KCNJ15: variants seen among roughly 807,000 people sequenced by gnomAD.
KCNJ15 encodes ATP-sensitive inward rectifier potassium channel 15.
KCNJ15 carries 14 observed loss-of-function variants against 23.0 expected under a neutral mutation model. That is an observed-to-expected ratio of 0.61 (90% CI 0.40 to 0.95). The LOEUF (loss-of-function observed/expected upper bound fraction) is 0.95, where lower values mean the gene tolerates loss of function less well. Among genes scored for constraint, KCNJ15 ranks in the 40% least tolerant of loss-of-function variants. The probability of loss-of-function intolerance (pLI) is 0.00; values close to 1 mark genes in which losing one functional copy is unlikely to be tolerated. For missense variants in KCNJ15, 388 were observed against 461.8 expected, an observed-to-expected ratio of 0.84 and a Z score of 1.46; for synonymous variants, 185 against 183.2, an observed-to-expected ratio of 1.01 and a Z score of -0.08.
chr21:38,292,415 T>C (rs571498625), intron 1 of KCNJ15, among the ~76,000 whole-genome samples: 3 of 152,224 alleles, frequency 2.0e-5, no homozygotes, highest in African/African-American at 7.2e-5. Flanking sequence ...GGCCACTAGG[T>C]CCTTAAACTT....
rs1284434770 is a variant in KCNJ15 at position 38,276,197 on chromosome 21, C to T, written c.-117+19012C>T. ...TCTCTTATATCAAATGGTATACTTT[C>T]GAGGGCTAAGATCATGCATCTCTCA... On this transcript the variant is annotated intron_variant, in intron 1 of 2. Transcript: ENST00000398938. 3.9e-5 allele frequency among the ~76,000 whole-genome samples: 6 copies of T among 151,920 alleles called. No homozygotes were observed. The South Asian group carries it at 6.2e-4, about 16-fold the overall frequency.
At chr21:38,258,121 A>G (rs574958865) in intron 1 of KCNJ15, among the ~76,000 whole-genome samples, 5 of 151,886 alleles carry the variant, frequency 3.3e-5, no homozygotes, top group African/African-American at 9.6e-5. Context: ...ATTTTTTGCA[A>G]CCTCAAGATC....
chr21:38,252,589 G>A (rs1413929989), upstream of KCNJ15, among the ~76,000 whole-genome samples: 1 of 152,120 alleles, frequency 6.6e-6, no homozygotes, highest in African/African-American at 2.4e-5. Context: ...GGCATTTTGA[G>A]GAAAAGACTA....
At chr21:38,257,769 C>T (rs1568990709) in intron 1 of KCNJ15, among the ~76,000 whole-genome samples, 1 of 152,176 alleles carries the variant, frequency 6.6e-6, no homozygotes. Flanking sequence ...GTTTTTTAAT[C>T]TGTGTATAAT....
intron 1 of KCNJ15, among the ~76,000 whole-genome samples, chr21:38,261,270 T>G (rs2836251): frequency 0.2 from 30,591 of 152,038 alleles, 3,309 homozygotes; most frequent in East Asian, 0.32. Flanking sequence ...ATTGCACAAT[T>G]TGGGGGCTTT....
At chr21:38,290,078 A>C (rs1984427669) in intron 1 of KCNJ15, among the ~76,000 whole-genome samples, 1 of 152,198 alleles carries the variant, frequency 6.6e-6, no homozygotes, top group East Asian at 1.9e-4. Flanking sequence ...GTAATGTTTT[A>C]TTTGGGTTAG....
intron 1 of KCNJ15, among the ~76,000 whole-genome samples, chr21:38,266,035 G>C (rs1376496157): frequency 1.3e-5 from 2 of 152,154 alleles, no homozygotes; most frequent in Non-Finnish European, 2.9e-5. Flanking sequence ...TTACTGCAGG[G>C]AAAGAATGGG....
intron 1 of KCNJ15, among the ~76,000 whole-genome samples, chr21:38,251,651 T>C (rs1979844027): frequency 6.6e-6 from 1 of 152,178 alleles, no homozygotes; most frequent in Non-Finnish European, 1.5e-5. Context: ...ATGCTTTCAT[T>C]TTCCAATTAT....
At chr21:38,296,514 T>C (rs1488062947) in intron 1 of KCNJ15, 2 of 152,298 alleles carry the variant, frequency 1.3e-5, no homozygotes, top group African/African-American at 4.8e-5. Context: ...TCCACTCTAA[T>C]GTCCTATGAC....
At chr21:38,250,887 G>T (rs920873701) in intron 1 of KCNJ15, among the ~76,000 whole-genome samples, 8 of 152,160 alleles carry the variant, frequency 5.3e-5, no homozygotes, top group Non-Finnish European at 1.0e-4. Context: ...TGTAAAGTGG[G>T]TCTTGGAGTG....
At chr21:38,254,855 A>C (rs1980082967), upstream of KCNJ15, among the ~76,000 whole-genome samples, 1 of 152,220 alleles carries the variant, frequency 6.6e-6, no homozygotes, top group Non-Finnish European at 1.5e-5. Context: ...AGGTGTTCAA[A>C]TGTTAGTTTA....
intron 1 of KCNJ15, among the ~76,000 whole-genome samples, chr21:38,247,542 A>G (rs984067716): frequency 5.9e-5 from 9 of 151,652 alleles, no homozygotes; most frequent in Non-Finnish European, 8.8e-5. Context: ...GGATGGATGG[A>G]TGGATGGATG....
At chr21:38,242,248 G>A (rs550635742) in intron 1 of KCNJ15, among the ~76,000 whole-genome samples, 34 of 152,202 alleles carry the variant, frequency 2.2e-4, no homozygotes, top group African/African-American at 6.5e-4. Flanking sequence ...ATGTAACCAG[G>A]GAACCAGCAA....
intron 1 of KCNJ15, among the ~76,000 whole-genome samples, chr21:38,241,022 T>C (rs1399380890): frequency 1.3e-5 from 2 of 152,232 alleles, no homozygotes; most frequent in African/African-American, 4.8e-5. Context: ...TGACAGATTC[T>C]CTGTGATTTA....
At chr21:38,241,422 C>T (rs944528888) in intron 1 of KCNJ15, among the ~76,000 whole-genome samples, 1 of 152,188 alleles carries the variant, frequency 6.6e-6, no homozygotes, top group South Asian at 2.1e-4. Flanking sequence ...GTCTCTGTGA[C>T]GGGGCCTGCT....
chr21:38,251,825 C>A (rs1979860356), upstream of KCNJ15, among the ~76,000 whole-genome samples: 1 of 152,176 alleles, frequency 6.6e-6, no homozygotes, highest in Non-Finnish European at 1.5e-5. Flanking sequence ...TATTGGTCAC[C>A]TTACAAAGGA....
intron 1 of KCNJ15, among the ~76,000 whole-genome samples, chr21:38,238,945 G>A (rs975595296): frequency 6.6e-6 from 1 of 152,158 alleles, no homozygotes; most frequent in Non-Finnish European, 1.5e-5. Flanking sequence ...CAGTTGAAAA[G>A]CAAGTCACTT....
intron 1 of KCNJ15, among the ~76,000 whole-genome samples, chr21:38,234,295 T>C (rs537099735): frequency 2.0e-5 from 3 of 152,322 alleles, no homozygotes; most frequent in East Asian, 1.9e-4. Context: ...GAGCTATTTT[T>C]AGTGTTAGTG....
At chr21:38,266,276 C>A (rs1167831301) in intron 1 of KCNJ15, among the ~76,000 whole-genome samples, 6 of 152,164 alleles carry the variant, frequency 3.9e-5, no homozygotes, top group African/African-American at 1.4e-4. Context: ...TCCTAATGCT[C>A]TCCCTCCTCT....
Sources: gnomAD v4.1 joint callset for allele counts (sites outside exome capture counted in the v4.1 genomes callset) on GRCh38, gnomAD v4.1.1 for gene constraint, MANE v1.5 for transcripts, NCBI Gene and HGNC (gene_info 2026-07-23, HGNC 2026-07-21) for gene names.